Variants in COMMD5 observed in about 807,000 individuals in gnomAD.
COMMD5 encodes COMM domain-containing protein 5.
COMMD5 carries 10 observed loss-of-function variants against 6.9 expected under a neutral mutation model. The ratio of observed to expected loss-of-function variants is 1.44; its 90% CI spans 0.89 to 2.45. COMMD5 has a LOEUF of 2.45. Among genes scored for constraint, COMMD5 ranks in the 30% most tolerant of loss-of-function variants. The probability of loss-of-function intolerance (pLI) is 0.00; values close to 1 mark genes in which losing one functional copy is unlikely to be tolerated. For missense variants in COMMD5, 234 were observed against 287.8 expected (o/e 0.81, Z 1.35); for synonymous variants, 127 against 125.3 (o/e 1.01, Z -0.09).
downstream of COMMD5, among the ~76,000 whole-genome samples, chr8:144,849,711 G>T (rs994534198): frequency 1.3e-5 from 2 of 152,046 alleles, no homozygotes; most frequent in Non-Finnish European, 2.9e-5. Flanking sequence ...GCACACACCT[G>T]CCCTAGAGGC....
Position 144,850,838 on chromosome 8 carries a change from G to T in COMMD5, c.501C>A (p.Ala167=). The T allele has an allele frequency of 6.2e-7, 1 of 1,613,802 alleles. No individual in the cohort carries two copies. The highest frequency in any genetic ancestry group is 8.5e-7 in the Non-Finnish European group (1 of 1,180,018). The change falls in exon 2 of 2, where the codon GCC becomes GCA. Residue 167 remains alanine, a synonymous_variant. Coordinates refer to ENST00000305103, the MANE Select transcript of COMMD5 (RefSeq NM_014066.4). The surrounding 1 kb of genome is among the most constrained non-coding windows in gnomAD (Gnocchi z 4.0). Reference sequence around the variant, plus strand: ...CGCTCGGCTGCAGGGAGCGAGCCAGGGCACTGGTGGAGATTGCTACATCCA... The same window carrying T: ...CGCTCGGCTGCAGGGAGCGAGCCAGTGCACTGGTGGAGATTGCTACATCCA... ...WRVDVAISTS[A]LARSLQPSVL...
chr8:144,842,892 T>C lies in COMMD5; in HGVS notation c.*117-1149A>G, dbSNP rs1830134579. On this transcript the variant is annotated intron_variant and NMD_transcript_variant, in intron 1 of 1. Coordinates refer to the COMMD5 transcript ENST00000530332. ...GAAAAGCCTTCAGCCGGAGCTCATA[T>C]CTTATTGAACACCAGAGAATACACA... 1.9e-6 allele frequency: 3 copies of C among 1,614,198 alleles called. No individual in the cohort carries two copies. In the South Asian group the frequency reaches 3.3e-5, roughly 18 times the overall value.
At chr8:144,846,745 C>T, downstream of COMMD5, 1 of 152,822 alleles carries the variant, frequency 6.5e-6, no homozygotes, top group East Asian at 1.9e-4. Flanking sequence ...GTCCCTCAGG[C>T]TGAAGTGCAG....
chr8:144,841,297 T>G, exon 2 of COMMD5: 1 of 1,517,102 alleles, frequency 6.6e-7, no homozygotes, highest in Non-Finnish European at 8.8e-7. Flanking sequence ...GCATTTGTAG[T>G]CTTATCATTT....
chr8:144,845,762 C>T (rs1198316263), downstream of COMMD5, among the ~76,000 whole-genome samples: 1 of 152,192 alleles, frequency 6.6e-6, no homozygotes, highest in African/African-American at 2.4e-5. Context: ...GGTGATGGTG[C>T]TCTCCACAGC....
At chr8:144,844,310 G>T (rs576427950) in intron 1 of COMMD5, among the ~76,000 whole-genome samples, 2 of 152,312 alleles carry the variant, frequency 1.3e-5, no homozygotes, top group South Asian at 2.1e-4. Context: ...GCACACCCGT[G>T]TGCGCACAGG....
downstream of COMMD5, chr8:144,846,216 T>C (rs763387710): frequency 1.3e-6 from 2 of 1,520,294 alleles, no homozygotes; most frequent in South Asian, 1.2e-5. Flanking sequence ...TGCTGTGTTC[T>C]TTTCACTAAC....
chr8:144,841,391 A>G, exon 2 of COMMD5: 1 of 1,611,654 alleles, frequency 6.2e-7, no homozygotes. Flanking sequence ...CAGGCCTGTG[A>G]GGACATGGAC....
chr8:144,841,409 A>C, exon 2 of COMMD5: 1 of 1,613,780 alleles, frequency 6.2e-7, no homozygotes, highest in Admixed American at 1.7e-5. Flanking sequence ...GACATCCTAA[A>C]ATCAGAATCC....
downstream of COMMD5, chr8:144,846,041 C>T (rs1830495908): frequency 2.0e-6 from 3 of 1,536,700 alleles, no homozygotes; most frequent in Non-Finnish European, 2.6e-6. Flanking sequence ...GCCTGCAACT[C>T]CTGTTCCTGG....
upstream of COMMD5, chr8:144,853,465 C>G (rs1830844394): frequency 6.6e-6 from 1 of 152,136 alleles, no homozygotes; most frequent in African/African-American, 2.4e-5. Context: ...CGGAGCCGAG[C>G]GGGCGTCCCT....
chr8:144,848,215 G>A (rs1830598535), downstream of COMMD5, among the ~76,000 whole-genome samples: 1 of 151,808 alleles, frequency 6.6e-6, no homozygotes. Context: ...GTGTGGTGTG[G>A]TGTGCCTGTG....
At chr8:144,844,947 CGAT>C (rs1382373166) in intron 1 of COMMD5, among the ~76,000 whole-genome samples, 2 of 151,426 alleles carry the variant, frequency 1.3e-5, no homozygotes, top group African/African-American at 2.4e-5. Context: ...TGGGGAAAAA[CGAT>C]GGTAGGGAAA....
exon 2 of COMMD5, chr8:144,841,712 G>A (rs1829934589): frequency 1.9e-6 from 3 of 1,614,152 alleles, no homozygotes; most frequent in Non-Finnish European, 1.7e-6. Context: ...GAGGAGTGTG[G>A]CAAAGGCATC....
At chr8:144,843,188 GTA>G in intron 1 of COMMD5, 2 of 1,539,744 alleles carry the variant, frequency 1.3e-6, no homozygotes, top group Non-Finnish European at 1.7e-6. Flanking sequence ...ATATAAATGT[GTA>G]TATATGTGAA....
At chr8:144,843,098 G>A in intron 1 of COMMD5, 1 of 1,612,782 alleles carries the variant, frequency 6.2e-7, no homozygotes. Flanking sequence ...CCTTATAAAT[G>A]CAATGACTGT....
downstream of COMMD5, chr8:144,838,522 A>G (rs147820301): frequency 5.3e-3 from 989 of 187,766 alleles, 10 homozygotes; most frequent in African/African-American, 0.021. Flanking sequence ...GAAGCCCCTC[A>G]CCTCCCTTTC....
downstream of COMMD5, chr8:144,846,116 G>A (rs1174858273): frequency 1.3e-6 from 2 of 1,536,256 alleles, no homozygotes; most frequent in Non-Finnish European, 1.7e-6. Flanking sequence ...ATCTCCTCTT[G>A]GCCACTTCCT....
At chr8:144,844,709 C>CAAA (rs71320849) in intron 1 of COMMD5, among the ~76,000 whole-genome samples, 7 of 88,642 alleles carry the variant, frequency 7.9e-5, no homozygotes, top group South Asian at 3.1e-4. Flanking sequence ...GACTCTGTAT[C>CAAA]AAAAAAAAAA....
Sources: gnomAD v4.1 joint callset for allele counts (sites outside exome capture counted in the v4.1 genomes callset) on GRCh38, gnomAD v4.1.1 for gene constraint, Gnocchi (gnomAD v3.1) non-coding constraint, MANE v1.5 for transcripts, NCBI Gene and HGNC (gene_info 2026-07-23, HGNC 2026-07-21) for gene names.